The following TANC2 variants were observed in gnomAD, a reference collection of about 807,000 sequenced individuals.
TANC2 encodes the protein protein TANC2.
TANC2 carries 26 observed loss-of-function variants against 210.5 expected under a neutral mutation model. That is an observed-to-expected ratio of 0.12 (90% CI 0.09 to 0.17). TANC2 has a LOEUF of 0.17. TANC2 is among the 10% of genes least tolerant of loss of function. TANC2 has a pLI of 1.00. For synonymous variants in TANC2, 931 were observed against 967.1 expected, an observed-to-expected ratio of 0.96 and a Z score of 0.69; for missense variants, 2,129 against 2,608.9, an observed-to-expected ratio of 0.82 and a Z score of 4.01.
chr17:63,215,964 G>T (rs1384354079), intron 7 of TANC2, among the ~76,000 whole-genome samples: 1 of 152,130 alleles, frequency 6.6e-6, no homozygotes, highest in Non-Finnish European at 1.5e-5. Context: ...TGTTAGCCAG[G>T]ATGGTCTCAA....
At chr17:63,221,993 AT>A (rs2042205645) in intron 7 of TANC2, among the ~76,000 whole-genome samples, 1 of 152,250 alleles carries the variant, frequency 6.6e-6, no homozygotes, top group African/African-American at 2.4e-5. Flanking sequence ...GTCTTAGTCC[AT>A]TTGGGCTGAT....
intron 2 of TANC2, among the ~76,000 whole-genome samples, chr17:63,021,568 G>A (rs933188450): frequency 6.6e-6 from 1 of 152,218 alleles, no homozygotes. Context: ...AGCCTTCACA[G>A]CTGTGAGCCA....
intron 7 of TANC2, among the ~76,000 whole-genome samples, chr17:63,204,038 G>A (rs774906807): frequency 2.0e-5 from 3 of 149,870 alleles, no homozygotes; most frequent in Non-Finnish European, 4.5e-5. Context: ...AAATGTTAAT[G>A]CCGTGACTGC....
chr17:63,180,209 A>G (rs1162739445), intron 5 of TANC2, among the ~76,000 whole-genome samples: 2 of 152,208 alleles, frequency 1.3e-5, no homozygotes, highest in East Asian at 1.9e-4. Flanking sequence ...GTTAGCTGAT[A>G]TGAGAAGAGT....
At chr17:63,410,726 T>C (rs918523534) in intron 21 of TANC2, among the ~76,000 whole-genome samples, 3 of 151,478 alleles carry the variant, frequency 2.0e-5, no homozygotes, top group African/African-American at 7.3e-5. Flanking sequence ...CCAGGCATGG[T>C]GGTGCATGCC....
At chr17:63,006,670 T>C (rs2033636917) in intron 1 of TANC2, among the ~76,000 whole-genome samples, 4 of 152,198 alleles carry the variant, frequency 2.6e-5, no homozygotes, top group Admixed American at 2.6e-4. Context: ...GCCTAACATA[T>C]GGTCCATTTT....
At chr17:63,236,678 T>C (rs907761348) in intron 7 of TANC2, among the ~76,000 whole-genome samples, 1 of 152,092 alleles carries the variant, frequency 6.6e-6, no homozygotes, top group African/African-American at 2.4e-5. Flanking sequence ...AGAGGCTCCA[T>C]TGTCCGTCAT....
At chr17:63,063,325 A>G (rs986708958) in intron 2 of TANC2, among the ~76,000 whole-genome samples, 3 of 152,146 alleles carry the variant, frequency 2.0e-5, no homozygotes, top group Non-Finnish European at 2.9e-5. Flanking sequence ...TGGACTGTTA[A>G]TTAAATCTCT....
intron 14 of TANC2, among the ~76,000 whole-genome samples, chr17:63,371,430 C>T (rs1027824265): frequency 1.3e-5 from 2 of 150,508 alleles, no homozygotes; most frequent in East Asian, 3.9e-4. Context: ...CACACCATTG[C>T]ACTCCAGCTT....
chr17:63,196,299 A>AT (rs1567805620), intron 6 of TANC2, among the ~76,000 whole-genome samples: 1 of 152,172 alleles, frequency 6.6e-6, no homozygotes, highest in Non-Finnish European at 1.5e-5. Context: ...TTGTTGAGGG[A>AT]TTTTTTAAAA....
In TANC2 at chr17:63,348,914, G is replaced by A. The variant is rs181873921; in HGVS notation, c.1808-2336G>A. On this transcript the variant is annotated intron_variant, in intron 12 of 27. Coordinates refer to ENST00000689528, the Ensembl canonical transcript of TANC2. ...TTGAGAAACCTTATCATTTAGCAAA[G>A]GAAAATGAATTATTTCAGGAACAGT... 3.0e-3 allele frequency among the ~76,000 whole-genome samples: 450 copies of A among 152,108 alleles called. 3 individuals carry two copies. Among genetic ancestry groups the A allele is most frequent in the African/African-American group, 0.01 (428 of 41,512 alleles).
At chr17:63,192,877 A>G (rs910408342) in intron 5 of TANC2, among the ~76,000 whole-genome samples, 2 of 152,176 alleles carry the variant, frequency 1.3e-5, no homozygotes, top group South Asian at 2.1e-4. Context: ...GTCAATGACT[A>G]TATCTCCGTG....
chr17:63,057,964 T>C (rs187650729), intron 2 of TANC2, among the ~76,000 whole-genome samples: 108 of 152,320 alleles, frequency 7.1e-4, no homozygotes, highest in African/African-American at 2.5e-3. Flanking sequence ...GTGGAATTGC[T>C]GGGTTGAATA....
chr17:62,972,640 C>A (rs1397212935), intron 1 of TANC2, among the ~76,000 whole-genome samples: 1 of 152,036 alleles, frequency 6.6e-6, no homozygotes, highest in African/African-American at 2.4e-5. Context: ...CTTTTTTCTT[C>A]AGAATCTTTC....
chr17:63,190,728 C>T (rs1186822040), intron 5 of TANC2, among the ~76,000 whole-genome samples: 1 of 151,946 alleles, frequency 6.6e-6, no homozygotes, highest in Non-Finnish European at 1.5e-5. Flanking sequence ...ATAATGCACC[C>T]TCCCCCCTGC....
At chr17:63,190,190 AT>A (rs2041136298) in intron 5 of TANC2, among the ~76,000 whole-genome samples, 1 of 152,074 alleles carries the variant, frequency 6.6e-6, no homozygotes, top group Non-Finnish European at 1.5e-5. Flanking sequence ...TTTTAAAAAA[AT>A]TATCCAGGCA....
In TANC2 at chr17:63,418,653, C is replaced by T. The variant is rs996624030; in HGVS notation, c.4268+246C>T. On this transcript the variant is annotated intron_variant, in intron 27 of 27. Transcript: ENST00000689528. This position sits in a 1 kb window ranked among gnomAD's most constrained non-coding sequence, Gnocchi z 4.6. ...ACACTTTTTCACTGGAGAATGGCAGCTTCTTCCAAGAAGCCTCTGCCGTAT... is the reference window on the plus strand; with the variant it reads ...ACACTTTTTCACTGGAGAATGGCAGTTTCTTCCAAGAAGCCTCTGCCGTAT... Among the ~76,000 whole-genome samples the T allele has an allele frequency of 6.6e-6, 1 of 152,212 alleles. No individual in the cohort carries two copies. Among genetic ancestry groups the T allele is most frequent in the African/African-American group, 2.4e-5 (1 of 41,458 alleles).
intron 1 of TANC2, among the ~76,000 whole-genome samples, chr17:63,002,438 G>A (rs2033428237): frequency 6.6e-6 from 1 of 152,126 alleles, no homozygotes; most frequent in African/African-American, 2.4e-5. Flanking sequence ...GCCTCTCTAT[G>A]CCTCCATCAG....
intron 12 of TANC2, among the ~76,000 whole-genome samples, chr17:63,346,017 G>A (rs1286931861): frequency 1.3e-5 from 2 of 152,134 alleles, no homozygotes; most frequent in Non-Finnish European, 2.9e-5. Flanking sequence ...AGATGCCAAG[G>A]CAATTAGAGA....
Sources: allele counts gnomAD v4.1 joint callset (sites outside exome capture counted in the v4.1 genomes callset), GRCh38; gene constraint gnomAD v4.1.1; non-coding constraint Gnocchi (gnomAD v3.1); transcripts MANE v1.5; gene names NCBI Gene and HGNC (gene_info 2026-07-23, HGNC 2026-07-21).